KMT2E: variants seen among roughly 807,000 people sequenced by gnomAD.
KMT2E encodes lysine methyltransferase 2E (inactive).
In KMT2E, 30 loss-of-function variants were observed where a neutral mutation model predicts 184.6. The ratio of observed to expected loss-of-function variants is 0.16; its 90% CI spans 0.12 to 0.22. The LOEUF is 0.22. Among genes scored for constraint, KMT2E ranks in the 10% least tolerant of loss-of-function variants. KMT2E has a pLI of 1.00. For synonymous variants in KMT2E, 815 were observed against 776.5 expected (o/e 1.05, Z -0.82); for missense variants, 2,023 against 2,237.4 (o/e 0.90, Z 1.93).
intron 1 of KMT2E, among the ~76,000 whole-genome samples, chr7:105,014,980 A>C (rs1350082472): frequency 1.1e-4 from 16 of 151,850 alleles, no homozygotes; most frequent in Admixed American, 1.0e-3. Context: ...TTCTTCTTCC[A>C]TTTCTTGACG....
Position 105,113,943 on chromosome 7 carries a change from TC to T in KMT2E, c.*611del, listed in dbSNP as rs1423401042. 3 of 153,494 alleles carry T rather than the reference TC, an allele frequency of 2.0e-5. No homozygotes were observed. Among genetic ancestry groups the T allele is most frequent in the Non-Finnish European group, 4.4e-5 (3 of 68,232 alleles). 9.5% of individuals were successfully genotyped at this position (153,494 alleles called of 1,614,324 possible). A position where few individuals can be genotyped will look rare whatever the true frequency, so the allele number is the denominator to read the frequency against. The stretch of plus-strand genomic sequence containing the variant: ...TATATAGCATTGTACATATGACAAG[TC>T]TTTTGCAAAACTGTGTGATCTTTGT... On this transcript the variant is annotated 3_prime_UTR_variant, in exon 27 of 27. Coordinates refer to ENST00000311117, the MANE Select transcript of KMT2E (RefSeq NM_182931.3).
At chr7:105,056,501 C>T (rs903640637) in intron 3 of KMT2E, among the ~76,000 whole-genome samples, 1 of 152,168 alleles carries the variant, frequency 6.6e-6, no homozygotes, top group African/African-American at 2.4e-5. Flanking sequence ...TGTCTTTTTG[C>T]ATATGCATGG....
At chr7:105,108,758 C>T in intron 22 of KMT2E, 184 bp from the exon 23 acceptor site, 1 of 581,342 alleles carries the variant, frequency 1.7e-6, no homozygotes, top group Non-Finnish European at 3.0e-6. Context: ...GTATGTAAAT[C>T]ATCTAAGTAC....
intron 3 of KMT2E, among the ~76,000 whole-genome samples, chr7:105,061,199 A>G (rs1244046881): frequency 1.3e-5 from 2 of 151,574 alleles, no homozygotes; most frequent in Non-Finnish European, 2.9e-5. Flanking sequence ...AATGTTTTTT[A>G]TGCTGCTAGT....
intron 1 of KMT2E, among the ~76,000 whole-genome samples, chr7:105,029,898 G>GT (rs1356771935): frequency 6.6e-6 from 1 of 152,086 alleles, no homozygotes; most frequent in African/African-American, 2.4e-5. Context: ...GGCAGGTTTT[G>GT]TTTTTTCATG....
At chr7:105,080,204 G>A (rs548248197) in intron 12 of KMT2E, among the ~76,000 whole-genome samples, 16 of 152,204 alleles carry the variant, frequency 1.1e-4, no homozygotes, top group Admixed American at 2.0e-4. Flanking sequence ...CAATACATGC[G>A]ATGATTTAAG....
intron 12 of KMT2E, among the ~76,000 whole-genome samples, chr7:105,080,503 G>C (rs1797721565): frequency 6.6e-6 from 1 of 151,936 alleles, no homozygotes; most frequent in African/African-American, 2.4e-5. Context: ...CAGAGTAGCT[G>C]GGATTATAGG....
At position 105,091,250 on chromosome 7, in the gene KMT2E, C is replaced by T; in HGVS notation, c.1658C>T (p.Thr553Ile). Residue 553 changes from threonine (T) to isoleucine (I), a missense_variant, in exon 15 of 27, where the codon ACT (threonine) becomes ATT (isoleucine). This residue lies in a region of KMT2E where 514 missense variants were observed against 621.8 expected (regional missense o/e 0.83). Transcript: ENST00000311117. ...TTTATTGATGATATAGAAGAAAAAA[C>T]TCCTATTAGTAATGAAGTAGAAATG... ...PDFIDDIEEK[T>I]PISNEVEMES... 6.3e-7 allele frequency: 1 copy of T among 1,595,000 alleles called. No individual in the cohort carries two copies. The highest frequency in any genetic ancestry group is 8.6e-7 in the Non-Finnish European group (1 of 1,163,804).
chr7:105,032,020 C>G (rs1795441329), intron 1 of KMT2E, among the ~76,000 whole-genome samples: 1 of 125,952 alleles, frequency 7.9e-6, no homozygotes, highest in Non-Finnish European at 1.6e-5. Flanking sequence ...CAGCCGAAAT[C>G]ACACTACTGC....
chr7:105,095,240 A>G (rs1158915022), intron 15 of KMT2E, among the ~76,000 whole-genome samples: 1 of 152,224 alleles, frequency 6.6e-6, no homozygotes, highest in African/African-American at 2.4e-5. Context: ...AGATTGTCTC[A>G]TGAACTCTAG....
In KMT2E at chr7:105,077,434, G is replaced by T; in HGVS notation, c.1130+1G>T. The T allele has an allele frequency of 6.3e-7, 1 of 1,597,732 alleles. No individual in the cohort carries two copies. Among genetic ancestry groups the T allele is most frequent in the Non-Finnish European group, 8.5e-7 (1 of 1,172,000 alleles). On this transcript the variant is annotated splice_donor_variant, in intron 11 of 26. Coordinates refer to ENST00000311117, the MANE Select transcript of KMT2E (RefSeq NM_182931.3). LOFTEE classifies it high-confidence loss of function. Reference sequence around the variant, plus strand: ...AAGCAAATGGGTATTTCTTTAAAAGGTATATTCATTTATTTTCCCATGTTC... The same window carrying T: ...AAGCAAATGGGTATTTCTTTAAAAGTTATATTCATTTATTTTCCCATGTTC...
chr7:105,085,626 T>C (rs1423441070), intron 13 of KMT2E, among the ~76,000 whole-genome samples: 2 of 152,144 alleles, frequency 1.3e-5, no homozygotes, highest in Non-Finnish European at 2.9e-5. Flanking sequence ...TGAAGCCCCT[T>C]AACGTTTAGC....
chr7:105,106,056 A>G, intron 19 of KMT2E, 53 bp downstream of exon 19: 1 of 1,510,840 alleles, frequency 6.6e-7, no homozygotes, highest in Admixed American at 2.0e-5. Flanking sequence ...GGGCATACAT[A>G]CAGCTTTATA....
chr7:105,107,280 C>T, intron 21 of KMT2E, 58 bp downstream of exon 21: 1 of 1,499,910 alleles, frequency 6.7e-7, no homozygotes, highest in Non-Finnish European at 9.0e-7. Flanking sequence ...ACATTGTTTT[C>T]CTTAAATTAC....
chr7:105,080,656 G>A (rs1286423940), intron 12 of KMT2E, among the ~76,000 whole-genome samples: 6 of 152,194 alleles, frequency 3.9e-5, no homozygotes, highest in Admixed American at 3.3e-4. Context: ...TACATATAAA[G>A]TATATAGAAT....
At chr7:105,110,145 T>C (rs1584811480) in intron 23 of KMT2E, 135 bp from the exon 24 acceptor site, 1 of 727,018 alleles carries the variant, frequency 1.4e-6, no homozygotes, top group South Asian at 1.7e-5. Context: ...GATTAACTAT[T>C]TTCAAAGGTT....
At chr7:105,052,025 T>C (rs1239754085) in intron 3 of KMT2E, among the ~76,000 whole-genome samples, 1 of 152,224 alleles carries the variant, frequency 6.6e-6, no homozygotes, top group Non-Finnish European at 1.5e-5. Context: ...TTATTTTCTG[T>C]AGAAGCTACT....
chr7:105,079,185 G>T (rs1029488118), intron 12 of KMT2E, among the ~76,000 whole-genome samples: 10 of 151,052 alleles, frequency 6.6e-5, no homozygotes, highest in Non-Finnish European at 1.2e-4. Flanking sequence ...GCCCAGGCTG[G>T]AATACAATGG....
At chr7:105,019,650 A>G (rs933975260) in intron 1 of KMT2E, among the ~76,000 whole-genome samples, 15 of 152,214 alleles carry the variant, frequency 9.9e-5, no homozygotes, top group African/African-American at 3.4e-4. Context: ...GGGTTTAGAA[A>G]GGATCTGCAT....
Sources: allele counts gnomAD v4.1 joint callset (sites outside exome capture counted in the v4.1 genomes callset), GRCh38; gene constraint gnomAD v4.1.1; regional missense constraint gnomAD v4.1.1; transcripts MANE v1.5; gene names NCBI Gene and HGNC (gene_info 2026-07-23, HGNC 2026-07-21).